Variants in ZSCAN31 observed in about 807,000 individuals in gnomAD.
The protein encoded by ZSCAN31 is zinc finger and SCAN domain-containing protein 31.
A neutral mutation model predicts 22.5 loss-of-function variants in ZSCAN31; 14 were observed. That is an observed-to-expected ratio of 0.62 (90% CI 0.41 to 0.97). The LOEUF (loss-of-function observed/expected upper bound fraction) is 0.97, where lower values mean the gene tolerates loss of function less well. Among genes scored for constraint, ZSCAN31 ranks in the 50% least tolerant of loss-of-function variants. The pLI is 0.00. For synonymous variants in ZSCAN31, 168 were observed against 169.8 expected, an observed-to-expected ratio of 0.99 and a Z score of 0.08; for missense variants, 424 against 483.4, an observed-to-expected ratio of 0.88 and a Z score of 1.15.
upstream of ZSCAN31, among the ~76,000 whole-genome samples, chr6:28,336,629 G>T (rs1463961745): frequency 6.6e-6 from 1 of 152,164 alleles, no homozygotes; most frequent in East Asian, 1.9e-4. Flanking sequence ...AGGGCCGTTA[G>T]GCTCTGTTGC....
intron 2 of ZSCAN31, among the ~76,000 whole-genome samples, chr6:28,342,292 A>G (rs1021404597): frequency 6.6e-6 from 1 of 152,194 alleles, no homozygotes; most frequent in African/African-American, 2.4e-5. Flanking sequence ...CCAAAGCACC[A>G]AAAAGTCTCG....
intron 2 of ZSCAN31, chr6:28,353,624 T>A: frequency 3.4e-6 from 1 of 292,252 alleles, no homozygotes; most frequent in Non-Finnish European, 6.9e-6. Context: ...GCATATTGAA[T>A]TGGATTTGTT....
rs1581655741 is a variant in ZSCAN31 at position 28,326,012 on chromosome 6, G to A, written c.*154C>T. The stretch of plus-strand genomic sequence containing the variant: ...ATACAAAATAAATTTTATAAGAACA[G>A]AATAAGCCACTTGAAAATCTTACTT... On this transcript the variant is annotated 3_prime_UTR_variant, in exon 4 of 4. Transcript: ENST00000344279. 1.8e-5 allele frequency: 13 copies of A among 726,276 alleles called. No individual in the cohort carries two copies. In the East Asian group the frequency reaches 3.0e-4, roughly 17 times the overall value. The allele number at this position is 726,276 out of a possible 1,614,324, so 45.0% of individuals were successfully genotyped here.
chr6:28,334,109 G>A (rs552411551), intron 1 of ZSCAN31, among the ~76,000 whole-genome samples: 5 of 152,204 alleles, frequency 3.3e-5, no homozygotes, highest in African/African-American at 1.2e-4. Context: ...TCAGTCACTG[G>A]ACAATCAATT....
In ZSCAN31 at chr6:28,331,974, AATGC is replaced by A. The variant is rs1424852900; in HGVS notation, c.-95-2200_-95-2197del. The stretch of plus-strand genomic sequence containing the variant: ...GCCACCATGAACTGTCTTTATCCTT[AATGC>A]ATAGCACAGTGCCTGGCCCACTGTC... On this transcript the variant is annotated intron_variant, in intron 1 of 3. Transcript: ENST00000344279. This position sits in a 1 kb window ranked among gnomAD's most constrained non-coding sequence, Gnocchi z 4.8. Among the ~76,000 whole-genome samples, 5 of 152,294 alleles carry A rather than the reference AATGC, an allele frequency of 3.3e-5. No individual in the cohort carries two copies. The highest frequency in any genetic ancestry group is 1.3e-4 in the Admixed American group (2 of 15,290).
chr6:28,336,799 C>T (rs1169054464), upstream of ZSCAN31: 1 of 152,122 alleles, frequency 6.6e-6, no homozygotes, highest in African/African-American at 2.4e-5. Flanking sequence ...CCTATTCTTC[C>T]CCGAGTCTGT....
intron 2 of ZSCAN31, among the ~76,000 whole-genome samples, chr6:28,344,335 A>G (rs939027915): frequency 6.6e-6 from 1 of 152,200 alleles, no homozygotes; most frequent in East Asian, 1.9e-4. Context: ...TAGTTCTATC[A>G]GATCCACCAA....
Position 28,326,607 on chromosome 6 carries a change from G to T in ZSCAN31, c.780C>A (p.Ile260=), listed in dbSNP as rs1376753230. The T allele has an allele frequency of 6.2e-7, 1 of 1,614,080 alleles. No individual in the cohort carries two copies. The highest frequency in any genetic ancestry group is 1.3e-5 in the African/African-American group (1 of 74,920). The change falls in exon 4 of 4, where the codon ATC becomes ATA. Residue 260 remains isoleucine, a synonymous_variant. Coordinates refer to ENST00000344279, the MANE Select transcript of ZSCAN31 (RefSeq NM_030899.5). ...ATTCATATGGCTTCTCCCCAGTGTG[G>T]ATTCTCTGGTGCTCAATGAGTACTG... is the stretch of plus-strand genomic sequence containing the variant. The part of the protein sequence containing the change: ...KSSVLIEHQR[I]HTGEKPYECE...
upstream of ZSCAN31, among the ~76,000 whole-genome samples, chr6:28,339,077 CTCT>C (rs1764310188): frequency 5.3e-5 from 8 of 152,270 alleles, no homozygotes; most frequent in South Asian, 1.7e-3. Flanking sequence ...AAATTTAAAT[CTCT>C]TTTCAATGTG....
At chr6:28,354,146 A>C (rs547464142) in exon 1 of ZSCAN31, 39 of 359,706 alleles carry the variant, frequency 1.1e-4, no homozygotes, top group Non-Finnish European at 1.2e-4. Context: ...TCTGTCTGCA[A>C]GATGGCCAGT....
upstream of ZSCAN31, chr6:28,354,315 C>T (rs1371815765): frequency 9.2e-6 from 2 of 216,984 alleles, no homozygotes; most frequent in South Asian, 7.3e-5. Context: ...GGTGCGCCTG[C>T]GTTCCAAACT....
chr6:28,342,463 C>T (rs1178463043), intron 2 of ZSCAN31, among the ~76,000 whole-genome samples: 1 of 152,126 alleles, frequency 6.6e-6, no homozygotes, highest in Non-Finnish European at 1.5e-5. Flanking sequence ...CAAAATCTGG[C>T]TAGATAAGTA....
chr6:28,337,147 G>C (rs1472488293), upstream of ZSCAN31, among the ~76,000 whole-genome samples: 1 of 152,178 alleles, frequency 6.6e-6, no homozygotes, highest in East Asian at 1.9e-4. Flanking sequence ...AGACTCAGCA[G>C]GAATCTGCCA....
chr6:28,353,184 G>A (rs1257786222), intron 2 of ZSCAN31: 1 of 152,428 alleles, frequency 6.6e-6, no homozygotes, highest in Non-Finnish European at 1.5e-5. Context: ...GGCCAGGATG[G>A]TCTCGATCTC....
In ZSCAN31 at chr6:28,326,550, C is replaced by T; in HGVS notation, c.837G>A (p.Arg279=). The change falls in exon 4 of 4, where the codon AGG becomes AGA. Residue 279 remains arginine, a synonymous_variant. Transcript: ENST00000344279. The part of the protein sequence containing the change: ...CEECGKAFSR[R]SSLNEHRRSH... Reference sequence around the variant, plus strand: ...TCCGCCGATGTTCATTCAGGCTTGACCTCCGGCTGAAGGCCTTCCCACATT... The same window carrying T: ...TCCGCCGATGTTCATTCAGGCTTGATCTCCGGCTGAAGGCCTTCCCACATT... 6.2e-7 allele frequency: 1 copy of T among 1,614,156 alleles called. No homozygotes were observed. The highest frequency in any genetic ancestry group is 8.5e-7 in the Non-Finnish European group (1 of 1,180,018).
intron 2 of ZSCAN31, among the ~76,000 whole-genome samples, chr6:28,344,624 T>A (rs556127253): frequency 1.7e-4 from 26 of 152,342 alleles, no homozygotes; most frequent in South Asian, 1.7e-3. Flanking sequence ...TCATGGTATG[T>A]TACTAAAGGC....
chr6:28,333,879 G>A lies in ZSCAN31; in HGVS notation c.-96+2203C>T, dbSNP rs1379403966. On this transcript the variant is annotated intron_variant, in intron 1 of 3. Coordinates refer to ENST00000344279, the MANE Select transcript of ZSCAN31 (RefSeq NM_030899.5). This position sits in a 1 kb window ranked among gnomAD's most constrained non-coding sequence, Gnocchi z 4.1. ...GAGTGACAAGGCTGAATTCTGTACCGAGAAGCTCTGCTACTGGATGGAGAA... is the reference window on the plus strand; with the variant it reads ...GAGTGACAAGGCTGAATTCTGTACCAAGAAGCTCTGCTACTGGATGGAGAA... 2.0e-5 allele frequency among the ~76,000 whole-genome samples: 3 copies of A among 152,144 alleles called. No individual in the cohort carries two copies. Among genetic ancestry groups the A allele is most frequent in the Non-Finnish European group, 4.4e-5 (3 of 68,034 alleles).
chr6:28,326,030 TCTTA>T lies in ZSCAN31; in HGVS notation c.*132_*135del. 1 of 799,790 alleles carries T rather than the reference TCTTA, an allele frequency of 1.3e-6. No homozygotes were observed. The highest frequency in any genetic ancestry group is 2.0e-6 in the Non-Finnish European group (1 of 498,578). The allele number at this position is 799,790 out of a possible 1,614,324, so 49.5% of individuals were successfully genotyped here. A position where few individuals can be genotyped will look rare whatever the true frequency, so the allele number is the denominator to read the frequency against. ...AAGAACAGAATAAGCCACTTGAAAATCTTACTTTCCAAGACGGCCCCATTTAGGG... is the reference window on the plus strand; with the variant it reads ...AAGAACAGAATAAGCCACTTGAAAATCTTTCCAAGACGGCCCCATTTAGGG... On this transcript the variant is annotated 3_prime_UTR_variant, in exon 4 of 4. Coordinates refer to ENST00000344279, the MANE Select transcript of ZSCAN31 (RefSeq NM_030899.5).
chr6:28,334,916 G>A (rs1764023442), intron 1 of ZSCAN31, among the ~76,000 whole-genome samples: 1 of 152,200 alleles, frequency 6.6e-6, no homozygotes, highest in Non-Finnish European at 1.5e-5. Context: ...TTAGAAACTA[G>A]AGGTGACAAG....
Sources: allele counts gnomAD v4.1 joint callset (sites outside exome capture counted in the v4.1 genomes callset), GRCh38; gene constraint gnomAD v4.1.1; non-coding constraint Gnocchi (gnomAD v3.1); transcripts MANE v1.5; gene names NCBI Gene and HGNC (gene_info 2026-07-23, HGNC 2026-07-21).